The following CALD1 variants were observed in gnomAD, a reference collection of about 807,000 sequenced individuals.
CALD1 encodes the protein caldesmon 1.
CALD1 carries 33 observed loss-of-function variants against 99.9 expected under a neutral mutation model. The ratio of observed to expected loss-of-function variants is 0.33; its 90% CI spans 0.25 to 0.44. The LOEUF is 0.44. CALD1 is among the 20% of genes least tolerant of loss of function. The pLI is 1.00. For missense variants in CALD1, 861 were observed against 962.1 expected (o/e 0.89, Z 1.39); for synonymous variants, 310 against 325.0 (o/e 0.95, Z 0.50).
At chr7:134,733,147 C>T in the CALD1 span, among the ~76,000 whole-genome samples, 1 of 152,216 alleles carries the variant, frequency 6.6e-6, no homozygotes, top group East Asian at 1.9e-4. Flanking sequence ...AGGATCAAAA[C>T]ACAATGCTTT....
intron 6 of CALD1, among the ~76,000 whole-genome samples, chr7:134,940,081 G>C (rs1447796825): frequency 6.6e-6 from 1 of 152,186 alleles, no homozygotes; most frequent in African/African-American, 2.4e-5. Flanking sequence ...CTAAAGTCCT[G>C]AGTTCTTATG....
intron 1 of CALD1, among the ~76,000 whole-genome samples, chr7:134,794,105 C>T (rs1797654069): frequency 6.6e-6 from 1 of 152,152 alleles, no homozygotes; most frequent in Admixed American, 6.5e-5. Context: ...CAGCTGAGCA[C>T]ATACACACAC....
At chr7:134,818,873 C>G (rs2131985386) in intron 1 of CALD1, among the ~76,000 whole-genome samples, 1 of 152,144 alleles carries the variant, frequency 6.6e-6, no homozygotes, top group Middle Eastern at 3.4e-3. Flanking sequence ...CAACCAGTGG[C>G]AGTAGTTCAC....
At chr7:134,906,603 A>G (rs768890504) in intron 3 of CALD1, among the ~76,000 whole-genome samples, 1 of 152,242 alleles carries the variant, frequency 6.6e-6, no homozygotes, top group Non-Finnish European at 1.5e-5. Context: ...GGACCTGTAC[A>G]TTCTTCTTTA....
At chr7:134,867,625 C>G in intron 2 of CALD1, 68 bp from the exon 3 acceptor site, 2 of 550,782 alleles carry the variant, frequency 3.6e-6, no homozygotes, top group African/African-American at 3.9e-5. Context: ...GAAAGAGGGC[C>G]CATAGTAACT....
intron 4 of CALD1, among the ~76,000 whole-genome samples, chr7:134,929,820 T>C (rs1057063717): frequency 1.4e-4 from 21 of 150,350 alleles, no homozygotes; most frequent in Non-Finnish European, 2.5e-4. Context: ...TACCCAGTAG[T>C]GGGACTGCTG....
At chr7:134,954,092 T>C (rs1329991884) in intron 9 of CALD1, among the ~76,000 whole-genome samples, 3 of 152,146 alleles carry the variant, frequency 2.0e-5, no homozygotes, top group African/African-American at 7.2e-5. Context: ...AGAATACCAA[T>C]GGGAGGAAAA....
chr7:134,888,860 G>A (rs780441990), intron 3 of CALD1, among the ~76,000 whole-genome samples: 1 of 152,212 alleles, frequency 6.6e-6, no homozygotes, highest in East Asian at 1.9e-4. Context: ...TAGCCTGGTG[G>A]ACATCCTGTG....
chr7:134,835,950 G>T (rs1213796889), intron 1 of CALD1, among the ~76,000 whole-genome samples: 1 of 151,872 alleles, frequency 6.6e-6, no homozygotes, highest in African/African-American at 2.4e-5. Context: ...TTCGAGACCA[G>T]CCTGGCCAAC....
At chr7:134,942,082 T>G (rs576521978) in intron 7 of CALD1, among the ~76,000 whole-genome samples, 14 of 152,318 alleles carry the variant, frequency 9.2e-5, no homozygotes, top group African/African-American at 3.1e-4. Flanking sequence ...CTCCAACCAC[T>G]GGGGCCAAAT....
chr7:134,716,064 G>A, the CALD1 span, among the ~76,000 whole-genome samples: 16 of 152,002 alleles, frequency 1.1e-4, 1 homozygote, highest in Admixed American at 9.8e-4. Flanking sequence ...GCCATACAAT[G>A]GTATTTTGAA....
At chr7:134,735,915 T>C in the CALD1 span, among the ~76,000 whole-genome samples, 2 of 152,140 alleles carry the variant, frequency 1.3e-5, no homozygotes, top group Non-Finnish European at 2.9e-5. Flanking sequence ...TGAAGAGTAC[T>C]CACTGCATAA....
intron 1 of CALD1, among the ~76,000 whole-genome samples, chr7:134,792,079 A>G (rs1797556616): frequency 6.6e-6 from 1 of 152,172 alleles, no homozygotes; most frequent in Non-Finnish European, 1.5e-5. Context: ...CAGCCAAACC[A>G]TATCTGATGC....
At chr7:134,728,046 C>T in the CALD1 span, among the ~76,000 whole-genome samples, 2 of 152,070 alleles carry the variant, frequency 1.3e-5, no homozygotes, top group Non-Finnish European at 2.9e-5. Context: ...ACTTTATGGA[C>T]GTCCTATTAA....
intron 1 of CALD1, among the ~76,000 whole-genome samples, chr7:134,785,716 T>TGGAG (rs1797279362): frequency 6.6e-6 from 1 of 152,176 alleles, no homozygotes; most frequent in Non-Finnish European, 1.5e-5. Context: ...CATCAAAGGC[T>TGGAG]GGAGGGAGTC....
chr7:134,863,534 G>C (rs561883280), intron 2 of CALD1, among the ~76,000 whole-genome samples: 2 of 152,160 alleles, frequency 1.3e-5, no homozygotes, highest in African/African-American at 4.8e-5. Flanking sequence ...TCATGCACAG[G>C]TGACACAGGT....
At chr7:134,794,035 G>A (rs1275851451) in intron 1 of CALD1, among the ~76,000 whole-genome samples, 2 of 152,080 alleles carry the variant, frequency 1.3e-5, no homozygotes, top group African/African-American at 2.4e-5. Context: ...CAGAGGCCAT[G>A]CCTGTCTGCC....
intron 1 of CALD1, among the ~76,000 whole-genome samples, chr7:134,789,605 G>T (rs985898072): frequency 9.2e-5 from 14 of 152,110 alleles, no homozygotes; most frequent in Non-Finnish European, 1.8e-4. Flanking sequence ...ATTACAAATG[G>T]TCAGCTATTG....
upstream of CALD1, among the ~76,000 whole-genome samples, chr7:134,743,094 A>G (rs1354849367): frequency 1.3e-5 from 2 of 152,188 alleles, no homozygotes; most frequent in Non-Finnish European, 1.5e-5. Flanking sequence ...GGATTTCCAC[A>G]TTTCCCAGCA....
Sources: allele counts gnomAD v4.1 joint callset (sites outside exome capture counted in the v4.1 genomes callset), GRCh38; gene constraint gnomAD v4.1.1; transcripts MANE v1.5; gene names NCBI Gene and HGNC (gene_info 2026-07-23, HGNC 2026-07-21).